The following UQCC1 variants were observed in gnomAD, a reference collection of about 807,000 sequenced individuals.
UQCC1 encodes the protein ubiquinol-cytochrome c reductase complex assembly factor 1, also known as bFGF-repressed Zic-binding protein.
UQCC1 carries 38 observed loss-of-function variants against 48.0 expected under a neutral mutation model. The ratio of observed to expected loss-of-function variants is 0.79; its 90% CI spans 0.61 to 1.04. The LOEUF is 1.04. Ranked by LOEUF, UQCC1 falls within the 50% of genes least tolerant of loss-of-function variation. The probability of loss-of-function intolerance (pLI) is 0.00; values close to 1 mark genes in which losing one functional copy is unlikely to be tolerated. For synonymous variants in UQCC1, 111 were observed against 129.2 expected, an observed-to-expected ratio of 0.86 and a Z score of 0.95; for missense variants, 368 against 381.8, an observed-to-expected ratio of 0.96 and a Z score of 0.30.
chr20:35,409,353 C>T (rs1032930482), intron 1 of UQCC1: 1 of 153,672 alleles, frequency 6.5e-6, no homozygotes, highest in African/African-American at 2.4e-5. Flanking sequence ...GCCTGTAATC[C>T]CAGCTACTCA....
At chr20:35,319,986 C>A (rs1292002195) in intron 7 of UQCC1, among the ~76,000 whole-genome samples, 1 of 152,164 alleles carries the variant, frequency 6.6e-6, no homozygotes, top group Admixed American at 6.5e-5. Context: ...CTGCTCTTGG[C>A]CATCTTTTTT....
Position 35,304,077 on chromosome 20 carries a change from C to G in UQCC1, c.766-8G>C. ...GGAGTCCAGGTACTGTATCTGCAAC[C>G]AGGGGAGGGGGAAGGAGGAAGCGAC... On this transcript the variant is annotated splice_region_variant and splice_polypyrimidine_tract_variant and intron_variant, in intron 9 of 9. Transcript: ENST00000374385. The G allele has an allele frequency of 6.2e-7, 1 of 1,613,868 alleles. No homozygotes were observed. The highest frequency in any genetic ancestry group is 1.1e-5 in the South Asian group (1 of 91,064).
intron 1 of UQCC1, among the ~76,000 whole-genome samples, chr20:35,399,290 T>G (rs2062125500): frequency 6.6e-6 from 1 of 152,242 alleles, no homozygotes. Context: ...TTGTTTGGAA[T>G]CTGGCATTTA....
At chr20:35,400,695 C>G (rs1220599973) in intron 1 of UQCC1, among the ~76,000 whole-genome samples, 2 of 151,984 alleles carry the variant, frequency 1.3e-5, no homozygotes, top group African/African-American at 4.8e-5. Flanking sequence ...TGGGGTTTCA[C>G]CATGTTCGCC....
At chr20:35,387,671 C>T (rs996068584) in intron 2 of UQCC1, among the ~76,000 whole-genome samples, 2 of 152,152 alleles carry the variant, frequency 1.3e-5, no homozygotes, top group African/African-American at 4.8e-5. Context: ...TAAAGAGTAA[C>T]TCAGAATAAC....
chr20:35,320,770 G>A (rs2061115579), intron 7 of UQCC1, among the ~76,000 whole-genome samples: 1 of 152,242 alleles, frequency 6.6e-6, no homozygotes, highest in African/African-American at 2.4e-5. Context: ...GCATGAAGGT[G>A]AGAATAAGCT....
At chr20:35,318,925 T>C (rs1339772926) in intron 7 of UQCC1, among the ~76,000 whole-genome samples, 6 of 152,178 alleles carry the variant, frequency 3.9e-5, no homozygotes, top group Non-Finnish European at 8.8e-5. Context: ...CACTGCCAGA[T>C]CATTCTATAT....
intron 1 of UQCC1, among the ~76,000 whole-genome samples, chr20:35,400,199 T>C (rs2062142765): frequency 1.3e-5 from 2 of 152,110 alleles, no homozygotes; most frequent in South Asian, 4.1e-4. Flanking sequence ...GTGCTGGGAT[T>C]ACAGGCATGA....
chr20:35,405,915 C>T (rs1243868851), intron 1 of UQCC1, among the ~76,000 whole-genome samples: 1 of 151,878 alleles, frequency 6.6e-6, no homozygotes, highest in African/African-American at 2.4e-5. Flanking sequence ...ATTGAAAAGT[C>T]CAACAACTAA....
intron 1 of UQCC1, chr20:35,409,549 C>T (rs1174670535): frequency 1.8e-5 from 3 of 168,076 alleles, no homozygotes; most frequent in Non-Finnish European, 1.3e-5. Context: ...TTCTAAAGTA[C>T]AGGGTGGCTT....
At chr20:35,309,469 A>T (rs1600849844) in intron 8 of UQCC1, among the ~76,000 whole-genome samples, 1 of 152,176 alleles carries the variant, frequency 6.6e-6, no homozygotes, top group Admixed American at 6.5e-5. Context: ...AAATCAACGA[A>T]CACAACTTCA....
rs190279924 is a variant in UQCC1 at position 35,327,781 on chromosome 20, C to T, written c.574-13016G>A. Among the ~76,000 whole-genome samples, 438 of 152,258 alleles carry T rather than the reference C, an allele frequency of 2.9e-3. 15 individuals carry two copies. The highest frequency in any genetic ancestry group is 0.026 in the Admixed American group (404 of 15,284). On this transcript the variant is annotated intron_variant, in intron 7 of 9. Coordinates refer to ENST00000374385, the MANE Select transcript of UQCC1 (RefSeq NM_018244.5). ...CTTTGGGAGGTTAAGGCAGGCAGAT[C>T]ACCTGAGGTCAGGAGTTTGAGACCA...
Position 35,385,469 on chromosome 20 carries a change from T to C in UQCC1, c.130-1336A>G, listed in dbSNP as rs528018124. On this transcript the variant is annotated intron_variant, in intron 2 of 9. Coordinates refer to ENST00000374385, the MANE Select transcript of UQCC1 (RefSeq NM_018244.5). ...CACTCAGTGGAAAATCAGGTATCCA[T>C]TGAGGGTTTTTTGTTTTGTTTTTGT... Among the ~76,000 whole-genome samples, 32 of 152,244 alleles carry C rather than the reference T, an allele frequency of 2.1e-4. 1 individual carries two copies. The highest frequency in any genetic ancestry group is 6.7e-4 in the African/African-American group (28 of 41,566).
At position 35,303,954 on chromosome 20, in the gene UQCC1, TA is replaced by T. The variant is rs766734404; in HGVS notation, c.880del (p.Tyr294ThrfsTer40). 58 of 1,614,078 alleles carry T rather than the reference TA, an allele frequency of 3.6e-5. No individual in the cohort carries two copies. Among genetic ancestry groups the T allele is most frequent in the Non-Finnish European group, 4.8e-5 (57 of 1,180,028 alleles). On this transcript the variant is annotated frameshift_variant, in exon 10 of 10. Coordinates refer to ENST00000374385, the MANE Select transcript of UQCC1 (RefSeq NM_018244.5). LOFTEE classifies it high-confidence loss of function. Reference protein sequence around the residue: ...QSILKPHSPTYNDEGL With the variant: ...QSILKPHSPTXNDEGL Reference sequence around the variant, plus strand: ...AGCCCATCAAAGTCCCTCGTCGTTGTAAGTCGGAGAATGGGGCTTCAGGATG... The same window carrying T: ...AGCCCATCAAAGTCCCTCGTCGTTGTAGTCGGAGAATGGGGCTTCAGGATG...
At chr20:35,392,467 G>A (rs147115796) in intron 2 of UQCC1, among the ~76,000 whole-genome samples, 47 of 152,214 alleles carry the variant, frequency 3.1e-4, no homozygotes, top group African/African-American at 1.1e-3. Flanking sequence ...CTCAAGAAAC[G>A]TTTACTGACC....
intron 7 of UQCC1, among the ~76,000 whole-genome samples, chr20:35,330,001 GA>G (rs1291886421): frequency 6.6e-6 from 1 of 152,214 alleles, no homozygotes; most frequent in Non-Finnish European, 1.5e-5. Flanking sequence ...GTATAGAATT[GA>G]TTCTAAGAAG....
intron 6 of UQCC1, among the ~76,000 whole-genome samples, chr20:35,348,623 C>G (rs1279368647): frequency 6.6e-6 from 1 of 151,862 alleles, no homozygotes; most frequent in Non-Finnish European, 1.5e-5. Context: ...ATCTCCTGAC[C>G]TGTGATCCAC....
rs1011957787 is a variant in UQCC1 at position 35,390,125 on chromosome 20, G to C, written c.129+3967C>G. ...CACTCACATGAAGTATCCTAAAGTA[G>C]TCAAAATCACAGAAACAAGGCCAGG... is the stretch of plus-strand genomic sequence containing the variant. On this transcript the variant is annotated intron_variant, in intron 2 of 9. Coordinates refer to ENST00000374385, the MANE Select transcript of UQCC1 (RefSeq NM_018244.5). 7.9e-5 allele frequency among the ~76,000 whole-genome samples: 12 copies of C among 152,096 alleles called. No individual in the cohort carries two copies. The East Asian group carries it at 1.9e-3, about 24-fold the overall frequency.
chr20:35,309,408 G>A (rs1207265540), intron 8 of UQCC1, among the ~76,000 whole-genome samples: 1 of 151,954 alleles, frequency 6.6e-6, no homozygotes, highest in Non-Finnish European at 1.5e-5. Flanking sequence ...ACTCCAGCCT[G>A]GGCAACAGAG....
Sources: gnomAD v4.1 joint callset for allele counts (sites outside exome capture counted in the v4.1 genomes callset) on GRCh38, gnomAD v4.1.1 for gene constraint, MANE v1.5 for transcripts, NCBI Gene and HGNC (gene_info 2026-07-23, HGNC 2026-07-21) for gene names.